The following FBXO4 variants were observed in gnomAD, a reference collection of about 807,000 sequenced individuals.
FBXO4 encodes F-box only protein 4.
Under a neutral mutation model 43.7 loss-of-function variants are expected in FBXO4, and 36 were observed. The observed-to-expected ratio is 0.82, with a 90% confidence interval of 0.63 to 1.09. The LOEUF is 1.09. Among genes scored for constraint, FBXO4 ranks in the 50% least tolerant of loss-of-function variants. The pLI is 0.00. For missense variants in FBXO4, 435 were observed against 474.1 expected, an observed-to-expected ratio of 0.92 and a Z score of 0.77; for synonymous variants, 180 against 165.6, an observed-to-expected ratio of 1.09 and a Z score of -0.67.
At chr5:41,927,347 C>A (rs1055051944) in intron 2 of FBXO4, 99 bp downstream of exon 2, 1 of 897,232 alleles carries the variant, frequency 1.1e-6, no homozygotes, top group Non-Finnish European at 1.7e-6. Flanking sequence ...TGATTTGTTG[C>A]GTGGATTTGG....
At chr5:41,935,112 G>T in intron 5 of FBXO4, 1 of 985,294 alleles carries the variant, frequency 1.0e-6, no homozygotes. Flanking sequence ...TTAACAAATA[G>T]TGTTTTAGTT....
the FBXO4 span, among the ~76,000 whole-genome samples, chr5:41,992,220 T>A: frequency 6.6e-6 from 1 of 152,200 alleles, no homozygotes; most frequent in Admixed American, 6.5e-5. Flanking sequence ...TACACATTAC[T>A]AGTTGGTTTA....
the FBXO4 span, among the ~76,000 whole-genome samples, chr5:42,038,348 A>T: frequency 3.3e-3 from 495 of 152,216 alleles, 4 homozygotes; most frequent in African/African-American, 0.011. Flanking sequence ...TGTTTTCATT[A>T]AACGATTGTT....
intron 6 of FBXO4, 30 bp downstream of exon 6, chr5:41,939,646 A>G: frequency 6.5e-7 from 1 of 1,534,512 alleles, no homozygotes; most frequent in Non-Finnish European, 8.8e-7. Context: ...AGTGACAAAA[A>G]TTTTATTTTG....
chr5:41,966,389 A>T, the FBXO4 span, among the ~76,000 whole-genome samples: 1 of 152,216 alleles, frequency 6.6e-6, no homozygotes, highest in African/African-American at 2.4e-5. Flanking sequence ...TTTAACAATG[A>T]AGTTAAACTG....
the FBXO4 span, among the ~76,000 whole-genome samples, chr5:42,023,246 T>C: frequency 1.3e-5 from 2 of 152,258 alleles, no homozygotes; most frequent in African/African-American, 4.8e-5. Flanking sequence ...AGTATGAAGA[T>C]ATATTATACA....
the FBXO4 span, among the ~76,000 whole-genome samples, chr5:41,956,462 T>C: frequency 6.6e-6 from 1 of 152,174 alleles, no homozygotes; most frequent in Non-Finnish European, 1.5e-5. Flanking sequence ...TAGTGAGTGT[T>C]TGATATTTCT....
At chr5:42,009,649 G>T in the FBXO4 span, among the ~76,000 whole-genome samples, 1 of 152,260 alleles carries the variant, frequency 6.6e-6, no homozygotes, top group East Asian at 1.9e-4. Context: ...TGGATGTGGG[G>T]TGCAGCAATG....
chr5:42,021,931 T>C, the FBXO4 span, among the ~76,000 whole-genome samples: 2 of 152,172 alleles, frequency 1.3e-5, no homozygotes, highest in Admixed American at 6.6e-5. Flanking sequence ...TTGATCTAAT[T>C]ACTCCTGTTG....
At chr5:42,029,099 T>A in the FBXO4 span, among the ~76,000 whole-genome samples, 4 of 152,034 alleles carry the variant, frequency 2.6e-5, no homozygotes, top group Non-Finnish European at 4.4e-5. Flanking sequence ...ATTGAAGTAC[T>A]CCCTTTGGCT....
chr5:41,986,266 C>T, the FBXO4 span, among the ~76,000 whole-genome samples: 1 of 151,966 alleles, frequency 6.6e-6, no homozygotes, highest in African/African-American at 2.4e-5. Flanking sequence ...TTTTCCTTCC[C>T]TCTAGGCTCC....
chr5:41,971,199 G>A, the FBXO4 span, among the ~76,000 whole-genome samples: 1 of 137,028 alleles, frequency 7.3e-6, no homozygotes, highest in Non-Finnish European at 1.5e-5. Flanking sequence ...TGTAAAACTA[G>A]AGAGAGGTGT....
the FBXO4 span, among the ~76,000 whole-genome samples, chr5:41,987,177 G>T: frequency 6.6e-5 from 10 of 152,006 alleles, no homozygotes; most frequent in African/African-American, 2.2e-4. Flanking sequence ...ATTAGACTTG[G>T]TTTTCTTAGA....
At chr5:41,945,479 C>CA (rs2112593821), downstream of FBXO4, among the ~76,000 whole-genome samples, 1 of 152,196 alleles carries the variant, frequency 6.6e-6, no homozygotes, top group Admixed American at 6.5e-5. Context: ...ATTGTAAATA[C>CA]AAAATTGCAT....
chr5:41,927,185 T>C lies in FBXO4; in HGVS notation c.362T>C (p.Leu121Pro). Residue 121 changes from leucine to proline, a missense_variant, in exon 2 of 7, where the codon CTA becomes CCA. Coordinates refer to ENST00000281623, the MANE Select transcript of FBXO4 (RefSeq NM_012176.3). ...GTTGACTGGAAGTCTCTTCCAGATC[T>C]AGAAATCTTAAAAAAGCCTATATCT... ...SSVDWKSLPDLEILKKPISEV... is the reference protein window; with the variant it reads ...SSVDWKSLPDPEILKKPISEV... The C allele has an allele frequency of 1.2e-6, 2 of 1,613,662 alleles. No homozygotes were observed. Among genetic ancestry groups the C allele is most frequent in the Non-Finnish European group, 8.5e-7 (1 of 1,179,892 alleles).
downstream of FBXO4, among the ~76,000 whole-genome samples, chr5:41,945,581 A>G (rs1488458390): frequency 1.3e-5 from 2 of 152,200 alleles, no homozygotes; most frequent in African/African-American, 4.8e-5. Flanking sequence ...CTATGAATGG[A>G]CATGCAGTCA....
chr5:41,988,804 A>G, the FBXO4 span, among the ~76,000 whole-genome samples: 2 of 152,156 alleles, frequency 1.3e-5, no homozygotes, highest in Non-Finnish European at 2.9e-5. Context: ...CAGAGTGATG[A>G]CTTTCAAGCT....
At chr5:41,969,251 C>T in the FBXO4 span, among the ~76,000 whole-genome samples, 1 of 152,276 alleles carries the variant, frequency 6.6e-6, no homozygotes, top group Non-Finnish European at 1.5e-5. Flanking sequence ...GAAACATATA[C>T]ATTTCCAGAA....
the FBXO4 span, among the ~76,000 whole-genome samples, chr5:41,983,143 A>T: frequency 6.6e-6 from 1 of 152,152 alleles, no homozygotes; most frequent in Non-Finnish European, 1.5e-5. Context: ...GTTGGTTACA[A>T]GTCTTTGCTA....
Sources: allele counts gnomAD v4.1 joint callset (sites outside exome capture counted in the v4.1 genomes callset), GRCh38; gene constraint gnomAD v4.1.1; transcripts MANE v1.5; gene names NCBI Gene and HGNC (gene_info 2026-07-23, HGNC 2026-07-21).